KANK1: variants seen among roughly 807,000 people sequenced by gnomAD.
KANK1 encodes KN motif and ankyrin repeat domain-containing protein 1.
A neutral mutation model predicts 106.2 loss-of-function variants in KANK1; 109 were observed. That is an observed-to-expected ratio of 1.03 (90% CI 0.88 to 1.20). The LOEUF is 1.20. Among genes scored for constraint, KANK1 ranks in the 50% most tolerant of loss-of-function variants. The pLI, the probability that KANK1 is intolerant of heterozygous loss-of-function variation, is 0.00. For synonymous variants in KANK1, 873 were observed against 652.2 expected (o/e 1.34, Z -5.16); for missense variants, 2,399 against 1,710.7 (o/e 1.40, Z -7.10).
chr9:570,590 C>T (rs1818912797), intron 1 of KANK1, among the ~76,000 whole-genome samples: 1 of 152,210 alleles, frequency 6.6e-6, no homozygotes, highest in Admixed American at 6.5e-5. Context: ...AATGTGAGTG[C>T]ATGCTGCTTC....
chr9:485,330 C>T (rs1258983337), intron 3 of KANK1, among the ~76,000 whole-genome samples: 1 of 152,098 alleles, frequency 6.6e-6, no homozygotes, highest in South Asian at 2.1e-4. Context: ...ATTTACATAC[C>T]ATAAAATTCA....
chr9:489,967 AG>A (rs1470489486), intron 3 of KANK1, among the ~76,000 whole-genome samples: 3 of 152,186 alleles, frequency 2.0e-5, no homozygotes, highest in Admixed American at 1.3e-4. Flanking sequence ...GAATAAATAA[AG>A]GAAGGAAGTA....
Position 744,494 on chromosome 9 carries a change from G to C in KANK1, c.3901G>C (p.Gly1301Arg). Residue 1301 changes from glycine to arginine, a missense_variant, in exon 11 of 12, where the codon GGC becomes CGC. Physicochemically the swap from Gly to Arg is moderately radical, Grantham distance 125 (BLOSUM62 -2). Coordinates refer to ENST00000382297, the MANE Select transcript of KANK1 (RefSeq NM_015158.5). Reference protein sequence around the residue: ...GCNGHLEDNDGSTALSIALEA... With the variant: ...GCNGHLEDNDRSTALSIALEA... ...GTTCTTTCCATCTTATCTTAAGGATGGCAGCACTGCGCTCTCAATCGCCCT... is the reference window on the plus strand; with the variant it reads ...GTTCTTTCCATCTTATCTTAAGGATCGCAGCACTGCGCTCTCAATCGCCCT... The C allele has an allele frequency of 6.2e-7, 1 of 1,613,170 alleles. No individual in the cohort carries two copies. Among genetic ancestry groups the C allele is most frequent in the Non-Finnish European group, 8.5e-7 (1 of 1,179,342 alleles).
chr9:573,273 T>G (rs1819667103), intron 1 of KANK1, among the ~76,000 whole-genome samples: 2 of 151,944 alleles, frequency 1.3e-5, no homozygotes, highest in South Asian at 4.2e-4. Flanking sequence ...TTATTATTAT[T>G]ATTATTATTT....
At chr9:736,928 G>C (rs1027753935) in intron 7 of KANK1, among the ~76,000 whole-genome samples, 2 of 152,242 alleles carry the variant, frequency 1.3e-5, no homozygotes, top group South Asian at 4.1e-4. Flanking sequence ...CAAAATACTA[G>C]GTTACGTGGC....
At chr9:719,638 C>G (rs1051494893) in intron 3 of KANK1, among the ~76,000 whole-genome samples, 1 of 152,226 alleles carries the variant, frequency 6.6e-6, no homozygotes, top group African/African-American at 2.4e-5. Context: ...TTTGGAAACC[C>G]ATGGCTATAT....
chr9:591,998 C>T (rs1039969265), intron 1 of KANK1, among the ~76,000 whole-genome samples: 2 of 151,652 alleles, frequency 1.3e-5, no homozygotes, highest in Admixed American at 1.3e-4. Flanking sequence ...TTTCCTGTTT[C>T]CCCCTCCAGC....
intron 1 of KANK1, among the ~76,000 whole-genome samples, chr9:601,625 A>C (rs1827773094): frequency 6.6e-6 from 1 of 151,882 alleles, no homozygotes; most frequent in Admixed American, 6.6e-5. Flanking sequence ...GTGTGGACTC[A>C]TCATGGACAG....
At chr9:614,130 T>C (rs1831229932) in intron 1 of KANK1, among the ~76,000 whole-genome samples, 3 of 152,206 alleles carry the variant, frequency 2.0e-5, no homozygotes, top group African/African-American at 4.8e-5. Flanking sequence ...TTGTCCTTGC[T>C]TCTTTGTTTC....
chr9:577,943 G>C (rs1481170025), intron 1 of KANK1, among the ~76,000 whole-genome samples: 1 of 152,156 alleles, frequency 6.6e-6, no homozygotes, highest in Admixed American at 6.5e-5. Flanking sequence ...AAGCCCCAAA[G>C]AGTGCTAGTT....
chr9:733,762 A>C (rs929346490), intron 6 of KANK1: 3 of 152,212 alleles, frequency 2.0e-5, no homozygotes, highest in African/African-American at 7.2e-5. Context: ...ACCCTGTCTC[A>C]GAAAAAAAGT....
chr9:629,322 C>G (rs1485698014), intron 1 of KANK1, among the ~76,000 whole-genome samples: 1 of 152,094 alleles, frequency 6.6e-6, no homozygotes, highest in Non-Finnish European at 1.5e-5. Context: ...AGACAAAAAC[C>G]AGAGTGGGTC....
chr9:617,250 G>A (rs1473630354), intron 1 of KANK1, among the ~76,000 whole-genome samples: 1 of 151,980 alleles, frequency 6.6e-6, no homozygotes, highest in Non-Finnish European at 1.5e-5. Context: ...TTAACAATCT[G>A]TATTCTACAA....
chr9:576,027 C>CA (rs1820468724), intron 1 of KANK1, among the ~76,000 whole-genome samples: 1 of 152,078 alleles, frequency 6.6e-6, no homozygotes, highest in African/African-American at 2.4e-5. Context: ...CATCTCAAAA[C>CA]AAAAAACAAT....
chr9:680,045 A>G (rs1817222588), intron 2 of KANK1, among the ~76,000 whole-genome samples: 1 of 152,204 alleles, frequency 6.6e-6, no homozygotes, highest in Non-Finnish European at 1.5e-5. Context: ...AGGGCCAATT[A>G]CTGGTCTCCT....
chr9:508,763 T>C (rs2058892898), intron 1 of KANK1, among the ~76,000 whole-genome samples: 1 of 146,378 alleles, frequency 6.8e-6, no homozygotes, highest in Non-Finnish European at 1.5e-5. Flanking sequence ...TATTCAATTG[T>C]ATGACTACAA....
At chr9:610,378 G>GA (rs146236549) in intron 1 of KANK1, among the ~76,000 whole-genome samples, 8,983 of 152,160 alleles carry the variant, frequency 0.059, 865 homozygotes, top group African/African-American at 0.2. Flanking sequence ...TATATAATGA[G>GA]AAAAGATAGT....
At chr9:714,390 C>T (rs944944317) in intron 3 of KANK1, among the ~76,000 whole-genome samples, 14 of 131,104 alleles carry the variant, frequency 1.1e-4, no homozygotes, top group African/African-American at 2.4e-4. Context: ...GAGACAGAGT[C>T]GCTCTGTCAC....
intron 2 of KANK1, among the ~76,000 whole-genome samples, chr9:683,669 T>A (rs1053647800): frequency 6.6e-6 from 1 of 152,254 alleles, no homozygotes; most frequent in African/African-American, 2.4e-5. Flanking sequence ...AGTACAGTGT[T>A]TAAAAATAAA....
Sources: gnomAD v4.1 joint callset for allele counts (sites outside exome capture counted in the v4.1 genomes callset) on GRCh38, gnomAD v4.1.1 for gene constraint, MANE v1.5 for transcripts, NCBI Gene and HGNC (gene_info 2026-07-23, HGNC 2026-07-21) for gene names.